Variants in NRP1 observed in about 807,000 individuals in gnomAD.
The protein encoded by NRP1 is neuropilin-1.
In NRP1, 35 loss-of-function variants were observed where a neutral mutation model predicts 106.7. The observed-to-expected ratio is 0.33, with a 90% CI of 0.25 to 0.43. The LOEUF (loss-of-function observed/expected upper bound fraction) is 0.43. Ranked by LOEUF, NRP1 falls within the 20% of genes least tolerant of loss-of-function variation. The probability of loss-of-function intolerance (pLI) is 1.00; values close to 1 mark genes in which losing one functional copy is unlikely to be tolerated. For synonymous variants in NRP1, 437 were observed against 417.9 expected, an observed-to-expected ratio of 1.05 and a Z score of -0.56; for missense variants, 1,024 against 1,170.4, an observed-to-expected ratio of 0.87 and a Z score of 1.83.
chr10:33,207,501 AT>A, intron 10 of NRP1, 70 bp downstream of exon 10: 1 of 1,569,702 alleles, frequency 6.4e-7, no homozygotes, highest in Non-Finnish European at 8.7e-7. Context: ...CAAAGGCACC[AT>A]CAGGGGCATA....
At chr10:33,202,681 T>G in intron 11 of NRP1, 38 of 1,547,416 alleles carry the variant, frequency 2.5e-5, no homozygotes, top group Non-Finnish European at 3.3e-5. Context: ...TGGCTCAAAT[T>G]ATTGTTACAA....
chr10:33,293,772 T>C (rs1218210690), intron 2 of NRP1, among the ~76,000 whole-genome samples: 1 of 152,168 alleles, frequency 6.6e-6, no homozygotes, highest in African/African-American at 2.4e-5. Flanking sequence ...CAAAACCCAA[T>C]AAAATTCTTT....
intron 1 of NRP1, among the ~76,000 whole-genome samples, chr10:33,332,887 G>GTC (rs766059397): frequency 4.6e-5 from 7 of 151,928 alleles, no homozygotes; most frequent in Non-Finnish European, 7.4e-5. Flanking sequence ...AAGTGTGTGT[G>GTC]TGTGTGTGTG....
At chr10:33,251,622 T>C (rs1841865511) in intron 6 of NRP1, among the ~76,000 whole-genome samples, 4 of 152,212 alleles carry the variant, frequency 2.6e-5, no homozygotes, top group African/African-American at 9.6e-5. Flanking sequence ...TTTTTTTTCT[T>C]CTGGGGCAAT....
intron 4 of NRP1, among the ~76,000 whole-genome samples, chr10:33,263,401 C>A (rs1452109838): frequency 6.6e-6 from 1 of 152,078 alleles, no homozygotes; most frequent in Non-Finnish European, 1.5e-5. Flanking sequence ...CTAAAAGAAC[C>A]TTTTGTAATC....
intron 2 of NRP1, among the ~76,000 whole-genome samples, chr10:33,323,178 G>A (rs1375645714): frequency 3.3e-5 from 5 of 151,912 alleles, no homozygotes; most frequent in Admixed American, 6.6e-5. Context: ...GACCAGCCTG[G>A]GCAACATAGT....
At chr10:33,280,565 T>C (rs1207693144) in intron 2 of NRP1, among the ~76,000 whole-genome samples, 1 of 152,232 alleles carries the variant, frequency 6.6e-6, no homozygotes, top group Admixed American at 6.5e-5. Flanking sequence ...GGATTGTCTC[T>C]AGAAGAGTTT....
rs1164848984 is a variant in NRP1, at chr10:33,250,376, CT to C, written c.981+3651del. Among the ~76,000 whole-genome samples, 38 of 152,298 alleles carry C rather than the reference CT, an allele frequency of 2.5e-4. 2 individuals are homozygous for C. Among genetic ancestry groups the C allele is most frequent in the Admixed American group, 2.4e-3 (36 of 15,290 alleles). ...CACAAGAAGCATGTAAATGAGCCTG[CT>C]GAGCTCGGAAGGCGAAAAACGGTAA... On this transcript the variant is annotated intron_variant, in intron 6 of 16. Coordinates refer to ENST00000374867, the MANE Select transcript of NRP1 (RefSeq NM_003873.7).
intron 10 of NRP1, among the ~76,000 whole-genome samples, chr10:33,204,954 G>A (rs2269104): frequency 0.26 from 39,204 of 151,950 alleles, 5,670 homozygotes; most frequent in East Asian, 0.6. Context: ...CTGGTCTCAA[G>A]CTCCTGAGCT....
chr10:33,237,487 G>GCGCGCGCGCA (rs1554788780), intron 6 of NRP1, among the ~76,000 whole-genome samples: 31 of 144,852 alleles, frequency 2.1e-4, no homozygotes, highest in African/African-American at 6.2e-4. Context: ...ACATGCGCGC[G>GCGCGCGCGCA]CACACACACA....
chr10:33,206,294 T>A (rs747554466), intron 10 of NRP1: 17 of 519,040 alleles, frequency 3.3e-5, no homozygotes, highest in South Asian at 2.4e-4. Context: ...CTCTTCTTTT[T>A]CTTGGCATCC....
At chr10:33,246,643 C>T (rs1841452976) in intron 6 of NRP1, among the ~76,000 whole-genome samples, 1 of 151,870 alleles carries the variant, frequency 6.6e-6, no homozygotes, top group Non-Finnish European at 1.5e-5. Context: ...TCCATTTGAA[C>T]AGCTGTATTT....
intron 2 of NRP1, among the ~76,000 whole-genome samples, chr10:33,322,246 A>C (rs990748277): frequency 3.9e-5 from 6 of 152,188 alleles, no homozygotes; most frequent in Non-Finnish European, 8.8e-5. Flanking sequence ...CCTGGTTGTC[A>C]GGCTTTAAAT....
chr10:33,185,141 T>C (rs968459162), intron 15 of NRP1, among the ~76,000 whole-genome samples: 30 of 152,230 alleles, frequency 2.0e-4, no homozygotes, highest in African/African-American at 7.2e-4. Context: ...TTCAGATATT[T>C]TAAAAGTCAG....
At chr10:33,183,607 T>G (rs758701892) in intron 15 of NRP1, among the ~76,000 whole-genome samples, 4 of 152,236 alleles carry the variant, frequency 2.6e-5, no homozygotes, top group African/African-American at 7.2e-5. Context: ...AGTTCCAGTA[T>G]TCCTGTGGTA....
chr10:33,226,274 G>A lies in NRP1; in HGVS notation c.997C>T (p.Leu333=), dbSNP rs536180003. The part of the protein sequence containing the change: ...REWIQVDLGL[L]RFVTAVGTQG... ...GTCCCGACAGCCGTGACAAAGCGCA[G>A]AAGGCCCAAGTCTACCTGCAAGACA... The change falls in exon 7 of 17, where the codon CTG becomes TTG. Residue 333 remains leucine (L), a synonymous_variant. Transcript: ENST00000374867. The A allele has an allele frequency of 1.9e-6, 3 of 1,614,108 alleles. No individual in the cohort carries two copies. In the African/African-American group the frequency reaches 4.0e-5, roughly 22 times the overall value.
At chr10:33,334,171 C>G in intron 1 of NRP1, 139 bp downstream of exon 1, 2 of 721,142 alleles carry the variant, frequency 2.8e-6, no homozygotes, top group Non-Finnish European at 4.6e-6. Context: ...CTTCTTCTCT[C>G]CTCCCAGATA....
At chr10:33,203,788 C>T (rs1378262012) in intron 10 of NRP1, among the ~76,000 whole-genome samples, 3 of 73,238 alleles carry the variant, frequency 4.1e-5, no homozygotes, top group Non-Finnish European at 5.7e-5. Flanking sequence ...GGCCGGACTG[C>T]GGACTGCAGT....
At chr10:33,236,045 G>C (rs1840528204) in intron 6 of NRP1, among the ~76,000 whole-genome samples, 1 of 152,138 alleles carries the variant, frequency 6.6e-6, no homozygotes, top group Non-Finnish European at 1.5e-5. Context: ...AAAAGATTCA[G>C]GGACTTAATA....
Sources: allele counts gnomAD v4.1 joint callset (sites outside exome capture counted in the v4.1 genomes callset), GRCh38; gene constraint gnomAD v4.1.1; transcripts MANE v1.5; gene names NCBI Gene and HGNC (gene_info 2026-07-23, HGNC 2026-07-21).